ZNF385D: variants seen among roughly 807,000 people sequenced by gnomAD.
ZNF385D encodes zinc finger protein 659.
Under a neutral mutation model 35.8 loss-of-function variants are expected in ZNF385D, and 15 were observed. The ratio of observed to expected loss-of-function variants is 0.42; its 90% CI spans 0.28 to 0.64. The LOEUF is 0.64. Ranked by LOEUF, ZNF385D falls within the 30% of genes least tolerant of loss-of-function variation. The pLI, the probability that ZNF385D is intolerant of heterozygous loss-of-function variation, is 0.23. For synonymous variants in ZNF385D, 212 were observed against 186.8 expected, an observed-to-expected ratio of 1.13 and a Z score of -1.10; for missense variants, 474 against 494.6, an observed-to-expected ratio of 0.96 and a Z score of 0.39.
intron 3 of ZNF385D, among the ~76,000 whole-genome samples, chr3:21,940,558 C>A (rs1388627829): frequency 6.6e-6 from 1 of 152,254 alleles, no homozygotes; most frequent in South Asian, 2.1e-4. Context: ...TGCTGAAGTG[C>A]AGCAATGAAA....
At chr3:22,121,856 G>A (rs1237398137) in intron 3 of ZNF385D, among the ~76,000 whole-genome samples, 1 of 151,926 alleles carries the variant, frequency 6.6e-6, no homozygotes, top group Non-Finnish European at 1.5e-5. Context: ...CTTTCTCACT[G>A]TATATATTCC....
chr3:21,921,731 G>C (rs1322566760), intron 3 of ZNF385D, among the ~76,000 whole-genome samples: 1 of 150,754 alleles, frequency 6.6e-6, no homozygotes, highest in African/African-American at 2.4e-5. Context: ...TCACAAACTA[G>C]AAAATCTATA....
chr3:21,661,058 G>T (rs1474715286), intron 2 of ZNF385D, among the ~76,000 whole-genome samples: 2 of 152,160 alleles, frequency 1.3e-5, no homozygotes, highest in African/African-American at 4.8e-5. Context: ...AAATAACTGG[G>T]ATTACTGAGT....
At chr3:22,099,322 G>C (rs905150891) in intron 3 of ZNF385D, among the ~76,000 whole-genome samples, 4 of 152,100 alleles carry the variant, frequency 2.6e-5, no homozygotes, top group Non-Finnish European at 4.4e-5. Context: ...GGAAAGGGCT[G>C]AAGGTTTGGA....
intron 2 of ZNF385D, among the ~76,000 whole-genome samples, chr3:22,317,448 A>G (rs945339001): frequency 4.6e-5 from 7 of 152,082 alleles, no homozygotes; most frequent in African/African-American, 1.4e-4. Context: ...CAGAACTTCT[A>G]CCTATTCTTC....
intron 2 of ZNF385D, among the ~76,000 whole-genome samples, chr3:21,634,661 CTACA>C (rs10540710): frequency 0.027 from 4,043 of 152,062 alleles, 172 homozygotes; most frequent in African/African-American, 0.09. Flanking sequence ...GCTTTTCTAA[CTACA>C]TAATATAACG....
intron 4 of ZNF385D, among the ~76,000 whole-genome samples, chr3:21,458,988 C>A (rs144241367): frequency 6.6e-6 from 1 of 152,090 alleles, no homozygotes; most frequent in Non-Finnish European, 1.5e-5. Context: ...AAAAGTAATA[C>A]GTTGTGAAAA....
chr3:22,285,800 A>G (rs890211356), intron 2 of ZNF385D, among the ~76,000 whole-genome samples: 2 of 152,146 alleles, frequency 1.3e-5, no homozygotes, highest in African/African-American at 4.8e-5. Flanking sequence ...ATCACCGTCT[A>G]TGGGAATTTG....
intron 1 of ZNF385D, among the ~76,000 whole-genome samples, chr3:21,727,748 C>T (rs1559557659): frequency 6.6e-6 from 1 of 152,154 alleles, no homozygotes; most frequent in Non-Finnish European, 1.5e-5. Context: ...CTGTGGAAAA[C>T]AGTGTGACAA....
chr3:22,271,190 G>A (rs1303772961), intron 2 of ZNF385D, among the ~76,000 whole-genome samples: 1 of 150,242 alleles, frequency 6.7e-6, no homozygotes, highest in East Asian at 2.0e-4. Context: ...AATACATTGA[G>A]CATTGTCTTT....
intron 3 of ZNF385D, among the ~76,000 whole-genome samples, chr3:21,796,311 T>C (rs1398438018): frequency 6.6e-6 from 1 of 152,158 alleles, no homozygotes; most frequent in Non-Finnish European, 1.5e-5. Flanking sequence ...ATTATCCTTA[T>C]ACTAAAACCC....
At position 21,886,105 on chromosome 3, in the gene ZNF385D, CAT is replaced by C. The variant is rs1698534067; in HGVS notation, c.326-221079_326-221078del. 2.6e-5 allele frequency among the ~76,000 whole-genome samples: 4 copies of C among 152,220 alleles called. No homozygotes were observed. The South Asian group carries it at 8.3e-4, about 32-fold the overall frequency. ...AGTTGGCACATAAAATTAACCATCA[CAT>C]AGATACATGGATAATTTTTCTTACA... is the stretch of plus-strand genomic sequence containing the variant. On this transcript the variant is annotated intron_variant, in intron 3 of 5. Transcript: ENST00000494108.
chr3:22,304,174 G>C (rs1703077509), intron 2 of ZNF385D, among the ~76,000 whole-genome samples: 1 of 152,266 alleles, frequency 6.6e-6, no homozygotes, highest in Middle Eastern at 3.4e-3. Flanking sequence ...TTTTAATAAA[G>C]AGCAAGTTTC....
intron 7 of ZNF385D, 27 bp from the exon 8 acceptor site, chr3:21,421,474 A>G: frequency 6.4e-7 from 1 of 1,567,808 alleles, no homozygotes. Flanking sequence ...ATATTGTAAA[A>G]AAAACAACAG....
intron 2 of ZNF385D, among the ~76,000 whole-genome samples, chr3:21,642,172 C>G (rs1299706998): frequency 6.6e-6 from 1 of 152,106 alleles, no homozygotes; most frequent in East Asian, 1.9e-4. Context: ...CCTAGTCCAA[C>G]CAGTCTTTTG....
chr3:22,186,420 TA>T (rs1695634591), intron 2 of ZNF385D, among the ~76,000 whole-genome samples: 1 of 152,192 alleles, frequency 6.6e-6, no homozygotes, highest in South Asian at 2.1e-4. Context: ...CTGGGTTTGT[TA>T]AAGCACTCTT....
intron 3 of ZNF385D, among the ~76,000 whole-genome samples, chr3:21,512,396 T>C (rs1320341295): frequency 6.6e-6 from 1 of 152,186 alleles, no homozygotes; most frequent in Non-Finnish European, 1.5e-5. Flanking sequence ...TTAAACTAAG[T>C]ACTTCACTTT....
chr3:21,965,814 A>G (rs747602639), intron 3 of ZNF385D, among the ~76,000 whole-genome samples: 2 of 152,220 alleles, frequency 1.3e-5, no homozygotes, highest in African/African-American at 2.4e-5. Flanking sequence ...AATATTTCCA[A>G]CAACACTTAA....
chr3:21,667,186 G>C (rs2066433237), intron 1 of ZNF385D, among the ~76,000 whole-genome samples: 1 of 152,162 alleles, frequency 6.6e-6, no homozygotes, highest in African/African-American at 2.4e-5. Context: ...TTTGAGACAG[G>C]ATCTCACTCT....
Sources: gnomAD v4.1 joint callset for allele counts (sites outside exome capture counted in the v4.1 genomes callset) on GRCh38, gnomAD v4.1.1 for gene constraint, MANE v1.5 for transcripts, NCBI Gene and HGNC (gene_info 2026-07-23, HGNC 2026-07-21) for gene names.